The following ANKRD28 variants were observed in gnomAD, a reference collection of about 807,000 sequenced individuals.
The protein encoded by ANKRD28 is ankyrin repeat domain 28.
In ANKRD28, 44 loss-of-function variants were observed where a neutral mutation model predicts 126.5. The observed-to-expected ratio is 0.35, with a 90% CI of 0.27 to 0.45. ANKRD28 has a LOEUF of 0.45. ANKRD28 is among the 20% of genes least tolerant of loss of function. ANKRD28 has a pLI of 1.00. For synonymous variants in ANKRD28, 442 were observed against 468.5 expected, an observed-to-expected ratio of 0.94 and a Z score of 0.73; for missense variants, 1,110 against 1,316.6, an observed-to-expected ratio of 0.84 and a Z score of 2.43.
chr3:15,741,252 T>C (rs1157310164), intron 4 of ANKRD28, among the ~76,000 whole-genome samples: 1 of 152,038 alleles, frequency 6.6e-6, no homozygotes, highest in Non-Finnish European at 1.5e-5. Context: ...GCAGTGATCT[T>C]TGAAAATTCA....
At chr3:15,698,828 T>C (rs1432000398) in intron 14 of ANKRD28, among the ~76,000 whole-genome samples, 8 of 152,180 alleles carry the variant, frequency 5.3e-5, no homozygotes, top group Non-Finnish European at 1.2e-4. Flanking sequence ...AGGTACTTTA[T>C]AGATTGAATG....
chr3:15,735,493 A>G lies in ANKRD28; in HGVS notation c.557T>C (p.Val186Ala), dbSNP rs1480070903. ...HAAFSGHGEMVKLLLSRGANI... is the reference protein window; with the variant it reads ...HAAFSGHGEMAKLLLSRGANI... Reference sequence around the variant, plus strand: ...GGCACCTCTAGACAAGAGTAGTTTGACCATCTGGAATAGAAGTAAACACAG... The same window carrying G: ...GGCACCTCTAGACAAGAGTAGTTTGGCCATCTGGAATAGAAGTAAACACAG... The change falls in exon 6 of 28, where the codon GTC becomes GCC. Residue 186 changes from valine to alanine, a missense_variant. Coordinates refer to ENST00000683139, the MANE Select transcript of ANKRD28 (RefSeq NM_001349278.2). 3 of 1,551,808 alleles carry G rather than the reference A, an allele frequency of 1.9e-6. No individual in the cohort carries two copies. Among genetic ancestry groups the G allele is most frequent in the Non-Finnish European group, 2.6e-6 (3 of 1,146,630 alleles).
chr3:15,858,702 T>TTACC, intron 1 of ANKRD28, among the ~76,000 whole-genome samples: 1 of 152,324 alleles, frequency 6.6e-6, no homozygotes, highest in South Asian at 2.1e-4. Flanking sequence ...AAAAGCCTTA[T>TTACC]TACCCATCTT....
chr3:15,673,565 AAAAGAGG>A (rs2125610615), intron 27 of ANKRD28, among the ~76,000 whole-genome samples: 1 of 152,362 alleles, frequency 6.6e-6, no homozygotes, highest in South Asian at 2.1e-4. Context: ...TTTATGTAAA[AAAAGAGG>A]AAAGAGTGGA....
chr3:15,698,198 G>A (rs2069962676), intron 14 of ANKRD28, among the ~76,000 whole-genome samples: 1 of 152,070 alleles, frequency 6.6e-6, no homozygotes, highest in South Asian at 2.1e-4. Context: ...AGCACTTCAT[G>A]CTAAAAACTC....
intron 6 of ANKRD28, among the ~76,000 whole-genome samples, chr3:15,734,455 A>T (rs1489340487): frequency 6.6e-6 from 1 of 152,218 alleles, no homozygotes; most frequent in East Asian, 1.9e-4. Flanking sequence ...ATGTCAGTTC[A>T]TATGTGCTTT....
chr3:15,804,078 C>T (rs2060523984), intron 1 of ANKRD28, among the ~76,000 whole-genome samples: 1 of 145,352 alleles, frequency 6.9e-6, no homozygotes, highest in Non-Finnish European at 1.5e-5. Context: ...TACCACAGCA[C>T]TGATTAAACA....
chr3:15,700,170 G>A (rs994869673), intron 14 of ANKRD28, among the ~76,000 whole-genome samples: 4 of 152,156 alleles, frequency 2.6e-5, no homozygotes, highest in African/African-American at 4.8e-5. Context: ...TCACTCATAC[G>A]TGGGAGCTGA....
chr3:15,707,998 T>C lies in ANKRD28; in HGVS notation c.1473A>G (p.Gly491=). 1 of 1,611,916 alleles carries C rather than the reference T, an allele frequency of 6.2e-7. No homozygotes were observed. Among genetic ancestry groups the C allele is most frequent in the South Asian group, 1.1e-5 (1 of 90,546 alleles). ...YQCLFALVGS[G]ASVNDLDERG... ...TTTCATCAAGGTCATTCACACTTGC[T>C]CCTGATCCCACAAGAGCAAACAGGC... Residue 491 remains glycine, a synonymous_variant, in exon 14 of 28, where the codon GGA becomes GGG. Transcript: ENST00000683139.
At chr3:15,672,546 G>A (rs920931084) in intron 27 of ANKRD28, among the ~76,000 whole-genome samples, 1 of 152,168 alleles carries the variant, frequency 6.6e-6, no homozygotes, top group African/African-American at 2.4e-5. Context: ...AAGGCTGTCC[G>A]TATTTTTAAT....
intron 1 of ANKRD28, among the ~76,000 whole-genome samples, chr3:15,849,349 A>T (rs1015837206): frequency 6.6e-6 from 1 of 152,232 alleles, no homozygotes; most frequent in Non-Finnish European, 1.5e-5. Context: ...ATCTTAAAAA[A>T]CAAAAACAAA....
upstream of ANKRD28, chr3:15,798,201 A>C (rs1183443286): frequency 3.1e-6 from 3 of 981,414 alleles, no homozygotes; most frequent in Non-Finnish European, 3.6e-6. Flanking sequence ...TAGCAAGTAA[A>C]CAATTCCAAA....
In ANKRD28 at chr3:15,714,005, T is replaced by C. The variant is rs536502144; in HGVS notation, c.1076-364A>G. ...AGACTGCATGCAATGCTTCAAAAAA[T>C]ATTGGATCATGAACCTATTTCAACT... On this transcript the variant is annotated intron_variant, in intron 9 of 27. Coordinates refer to ENST00000683139, the MANE Select transcript of ANKRD28 (RefSeq NM_001349278.2). 4.6e-5 allele frequency among the ~76,000 whole-genome samples: 7 copies of C among 152,272 alleles called. No individual in the cohort carries two copies. In the South Asian group the frequency reaches 1.4e-3, roughly 32 times the overall value.
At chr3:15,775,795 C>T (rs1303234310) in intron 2 of ANKRD28, among the ~76,000 whole-genome samples, 1 of 152,212 alleles carries the variant, frequency 6.6e-6, no homozygotes, top group African/African-American at 2.4e-5. Context: ...TGTTCAGCTA[C>T]TGGAAAATCC....
At chr3:15,857,407 C>A (rs1327795651) in intron 1 of ANKRD28, among the ~76,000 whole-genome samples, 1 of 152,178 alleles carries the variant, frequency 6.6e-6, no homozygotes, top group African/African-American at 2.4e-5. Flanking sequence ...GTCGCAGCCT[C>A]CAGAGTAGCT....
In ANKRD28 at chr3:15,670,246, G is replaced by A. The variant is rs779457399; in HGVS notation, c.*24C>T. 1.2e-6 allele frequency: 2 copies of A among 1,605,120 alleles called. No individual in the cohort carries two copies. The highest frequency in any genetic ancestry group is 1.7e-5 in the Admixed American group (1 of 59,674). ...AAAGCACAGTTTGAAGCTTTACTGT[G>A]AGAACTCCCTCCTCCTCAGCCTCTC... is the stretch of plus-strand genomic sequence containing the variant. On this transcript the variant is annotated 3_prime_UTR_variant, in exon 28 of 28. Transcript: ENST00000683139.
rs927020615 is a variant in ANKRD28 at position 15,774,428 on chromosome 3, A to T, written c.202-8116T>A. On this transcript the variant is annotated intron_variant, in intron 2 of 27. Transcript: ENST00000683139. ...AACTCAAAAATAAGAAAACCACCCAACAAAATATGGGCATTTAAATTATGC... is the reference window on the plus strand; with the variant it reads ...AACTCAAAAATAAGAAAACCACCCATCAAAATATGGGCATTTAAATTATGC... Among the ~76,000 whole-genome samples, 5 of 152,160 alleles carry T rather than the reference A, an allele frequency of 3.3e-5. No homozygotes were observed. The South Asian group carries it at 1.0e-3, about 32-fold the overall frequency.
chr3:15,719,959 C>T (rs1369558426), intron 8 of ANKRD28, among the ~76,000 whole-genome samples: 3 of 152,138 alleles, frequency 2.0e-5, no homozygotes, highest in Admixed American at 6.5e-5. Context: ...CAGCCTTGAC[C>T]TCCAAGGCTC....
intron 1 of ANKRD28, among the ~76,000 whole-genome samples, chr3:15,803,126 T>C (rs1213501044): frequency 6.6e-6 from 1 of 152,218 alleles, no homozygotes; most frequent in Non-Finnish European, 1.5e-5. Context: ...TTTTCATCAA[T>C]TGAGAACTCA....
Sources: gnomAD v4.1 joint callset for allele counts (sites outside exome capture counted in the v4.1 genomes callset) on GRCh38, gnomAD v4.1.1 for gene constraint, MANE v1.5 for transcripts, NCBI Gene and HGNC (gene_info 2026-07-23, HGNC 2026-07-21) for gene names.